NCALD: variants seen among roughly 807,000 people sequenced by gnomAD.
NCALD encodes neurocalcin-delta.
A neutral mutation model predicts 18.6 loss-of-function variants in NCALD; 10 were observed. The ratio of observed to expected loss-of-function variants is 0.54; its 90% CI spans 0.33 to 0.91. The LOEUF is 0.91. NCALD is among the 40% of genes least tolerant of loss of function. The pLI, the probability that NCALD is intolerant of heterozygous loss-of-function variation, is 0.03. For missense variants in NCALD, 184 were observed against 247.6 expected (o/e 0.74, Z 1.72); for synonymous variants, 88 against 87.4 (o/e 1.01, Z -0.04).
chr8:101,764,212 G>A (rs1586438283), intron 1 of NCALD, among the ~76,000 whole-genome samples: 2 of 152,108 alleles, frequency 1.3e-5, no homozygotes, highest in African/African-American at 2.4e-5. Flanking sequence ...TGCTCATTGA[G>A]GGAATCAGTA....
rs189200636 is a variant in NCALD at position 101,700,195 on chromosome 8, G to A, written c.379-7299C>T. 1.5e-3 allele frequency among the ~76,000 whole-genome samples: 232 copies of A among 151,858 alleles called. 1 individual carries two copies. Among genetic ancestry groups the A allele is most frequent in the Non-Finnish European group, 7.4e-4 (50 of 67,954 alleles). ...CCTGTCCCAGCCTCCTGAGTTGCTGGGACCAAAGGCATGCACCACCACGCC... is the reference window on the plus strand; with the variant it reads ...CCTGTCCCAGCCTCCTGAGTTGCTGAGACCAAAGGCATGCACCACCACGCC... On this transcript the variant is annotated intron_variant, in intron 2 of 3. Transcript: ENST00000220931.
intron 1 of NCALD, among the ~76,000 whole-genome samples, chr8:102,022,091 G>A (rs1411180553): frequency 2.0e-5 from 3 of 152,150 alleles, no homozygotes; most frequent in African/African-American, 7.2e-5. Flanking sequence ...CAGGGTTAAG[G>A]GAACCACCAA....
intron 2 of NCALD, among the ~76,000 whole-genome samples, chr8:101,949,775 CAA>C (rs11433689): frequency 6.7e-6 from 1 of 148,342 alleles, no homozygotes; most frequent in Admixed American, 6.7e-5. Flanking sequence ...CAGGTTGAGA[CAA>C]AAAAAAAAAT....
chr8:101,877,299 A>G (rs544144164), intron 4 of NCALD, among the ~76,000 whole-genome samples: 1 of 152,350 alleles, frequency 6.6e-6, no homozygotes, highest in East Asian at 1.9e-4. Flanking sequence ...TACAGATACT[A>G]GAAGGTTGCT....
intron 4 of NCALD, among the ~76,000 whole-genome samples, chr8:101,854,257 T>G (rs1184618781): frequency 6.6e-6 from 1 of 152,162 alleles, no homozygotes; most frequent in African/African-American, 2.4e-5. Flanking sequence ...GCTGCTGCCC[T>G]GGACATGACT....
chr8:102,087,971 T>C (rs1824796064), intron 1 of NCALD, among the ~76,000 whole-genome samples: 1 of 93,150 alleles, frequency 1.1e-5, no homozygotes, highest in Non-Finnish European at 2.2e-5. Flanking sequence ...ATCTCCTCTG[T>C]AAAGTTTTGA....
intron 3 of NCALD, among the ~76,000 whole-genome samples, chr8:101,900,683 A>G (rs1348234469): frequency 6.6e-6 from 1 of 151,660 alleles, no homozygotes; most frequent in East Asian, 1.9e-4. Context: ...TCTGTTGGGG[A>G]TATCTATCTT....
At chr8:101,861,764 T>G (rs1169869452) in intron 4 of NCALD, among the ~76,000 whole-genome samples, 2 of 152,208 alleles carry the variant, frequency 1.3e-5, no homozygotes, top group African/African-American at 4.8e-5. Flanking sequence ...TGATTCCATT[T>G]GAGACCCTAT....
At chr8:101,842,543 GC>G (rs2131295244) in intron 4 of NCALD, among the ~76,000 whole-genome samples, 1 of 152,274 alleles carries the variant, frequency 6.6e-6, no homozygotes, top group East Asian at 1.9e-4. Context: ...CTGTCACTCT[GC>G]CCCCTTTGGA....
chr8:101,847,239 T>A (rs1264367848), intron 4 of NCALD: 1 of 211,540 alleles, frequency 4.7e-6, no homozygotes, highest in Non-Finnish European at 1.0e-5. Context: ...CTTCTTCTTT[T>A]TTTTTTCCCC....
chr8:101,941,959 T>C (rs960640394), intron 2 of NCALD, among the ~76,000 whole-genome samples: 5 of 152,238 alleles, frequency 3.3e-5, no homozygotes, highest in African/African-American at 1.2e-4. Context: ...TGGTTAGCCA[T>C]CACCTGAATG....
Position 102,013,760 on chromosome 8 carries a change from A to G in NCALD, c.-157+6477T>C, listed in dbSNP as rs140055873. Among the ~76,000 whole-genome samples the G allele has an allele frequency of 6.3e-3, 962 of 152,340 alleles. 10 individuals are homozygous for G. Among genetic ancestry groups the G allele is most frequent in the African/African-American group, 0.018 (756 of 41,584 alleles). On this transcript the variant is annotated intron_variant, in intron 2 of 6. Transcript: ENST00000311028. ...TTAAAATACCTGAGTCCAAAAACAAAAGGAAAGACAAAAGGAGAGCAGGTG... is the reference window on the plus strand; with the variant it reads ...TTAAAATACCTGAGTCCAAAAACAAGAGGAAAGACAAAAGGAGAGCAGGTG...
chr8:101,709,904 T>C (rs1051739812), intron 2 of NCALD, among the ~76,000 whole-genome samples: 1 of 152,244 alleles, frequency 6.6e-6, no homozygotes, highest in African/African-American at 2.4e-5. Flanking sequence ...GAGATGATTT[T>C]TGATGTGATA....
chr8:102,078,753 C>T (rs924752282), intron 1 of NCALD, among the ~76,000 whole-genome samples: 1 of 152,260 alleles, frequency 6.6e-6, no homozygotes, highest in African/African-American at 2.4e-5. Context: ...TTTAAAGCAG[C>T]ATGACATTCC....
chr8:102,058,106 G>A (rs943960598), intron 1 of NCALD, among the ~76,000 whole-genome samples: 8 of 152,172 alleles, frequency 5.3e-5, no homozygotes, highest in Non-Finnish European at 8.8e-5. Context: ...TTTATGATAT[G>A]TCATCTTTAA....
intron 2 of NCALD, among the ~76,000 whole-genome samples, chr8:101,960,470 C>T (rs553315522): frequency 6.6e-6 from 1 of 152,150 alleles, no homozygotes; most frequent in Non-Finnish European, 1.5e-5. Flanking sequence ...TACTGTTTTA[C>T]AAGTAGGAAT....
At chr8:102,083,655 C>G (rs1257845139) in intron 1 of NCALD, among the ~76,000 whole-genome samples, 1 of 152,226 alleles carries the variant, frequency 6.6e-6, no homozygotes, top group Admixed American at 6.5e-5. Flanking sequence ...CAAGTAGGCA[C>G]TCTCAACTCT....
intron 2 of NCALD, among the ~76,000 whole-genome samples, chr8:101,997,360 T>A (rs1323707453): frequency 1.3e-5 from 2 of 152,178 alleles, no homozygotes; most frequent in Non-Finnish European, 2.9e-5. Context: ...ATAATATTTT[T>A]AAAGAGCATG....
At chr8:102,114,903 C>G (rs368593548) in intron 1 of NCALD, among the ~76,000 whole-genome samples, 1 of 152,194 alleles carries the variant, frequency 6.6e-6, no homozygotes, top group Admixed American at 6.5e-5. Flanking sequence ...GCAGAGGAAA[C>G]TGGCCTGGTC....
Sources: allele counts gnomAD v4.1 joint callset (sites outside exome capture counted in the v4.1 genomes callset), GRCh38; gene constraint gnomAD v4.1.1; transcripts MANE v1.5; gene names NCBI Gene and HGNC (gene_info 2026-07-23, HGNC 2026-07-21).